Variants in CGREF1 observed in about 807,000 individuals in gnomAD.
The protein encoded by CGREF1 is cell growth regulator with EF-hand domain 1.
In CGREF1, 16 loss-of-function variants were observed where a neutral mutation model predicts 17.4. That is an observed-to-expected ratio of 0.92 (90% CI 0.62 to 1.40). The LOEUF is 1.40. Ranked by LOEUF, CGREF1 falls within the 40% of genes most tolerant of loss-of-function variation. CGREF1 has a pLI of 0.00. For missense variants in CGREF1, 296 were observed against 376.4 expected, an observed-to-expected ratio of 0.79 and a Z score of 1.77; for synonymous variants, 142 against 154.6, an observed-to-expected ratio of 0.92 and a Z score of 0.61.
chr2:27,102,174 G>C lies in CGREF1; in HGVS notation c.265C>G (p.Leu89Val), dbSNP rs1670904225. 1 of 1,612,676 alleles carries C rather than the reference G, an allele frequency of 6.2e-7. No individual in the cohort carries two copies. Among genetic ancestry groups the C allele is most frequent in the African/African-American group, 1.3e-5 (1 of 75,030 alleles). Residue 89 changes from leucine to valine, a missense_variant, in exon 5 of 6, where the codon CTG (leucine) becomes GTG (valine). By Grantham distance (32) the Leu-to-Val change is conservative. Coordinates refer to ENST00000402394, the MANE Select transcript of CGREF1 (RefSeq NM_006569.6). ...ALHDYDQSGQ[L>V]DGLELLSMLT... ...ATGGACAGCAGCTCCAGGCCATCCA[G>C]CTGTCCACTCTGGTCATAGTCATGG...
intron 1 of CGREF1, among the ~76,000 whole-genome samples, chr2:27,118,505 C>A (rs889281725): frequency 2.1e-4 from 32 of 152,214 alleles, no homozygotes; most frequent in African/African-American, 7.5e-4. Flanking sequence ...CGCTCCATTT[C>A]TTCCCCGTCG....
chr2:27,103,653 T>C (rs1050466269), intron 2 of CGREF1, among the ~76,000 whole-genome samples: 1 of 145,130 alleles, frequency 6.9e-6, no homozygotes, highest in Non-Finnish European at 1.5e-5. Flanking sequence ...GGATTACAGG[T>C]GTGAGCCACC....
chr2:27,115,659 G>A (rs534870863), intron 1 of CGREF1, among the ~76,000 whole-genome samples: 14 of 152,036 alleles, frequency 9.2e-5, no homozygotes, highest in Admixed American at 3.9e-4. Context: ...ACCTTCAGTG[G>A]CTCCCTATTT....
downstream of CGREF1, chr2:27,100,308 T>G (rs1042224114): frequency 1.4e-5 from 9 of 632,076 alleles, no homozygotes; most frequent in African/African-American, 3.8e-5. Context: ...GGGGTGCGCC[T>G]CCTCTGCCCT....
At chr2:27,111,181 G>A (rs1210931217) in intron 1 of CGREF1, among the ~76,000 whole-genome samples, 1 of 152,182 alleles carries the variant, frequency 6.6e-6, no homozygotes, top group Non-Finnish European at 1.5e-5. Context: ...ATTTTACAGA[G>A]AGCGGAGTGG....
chr2:27,106,621 G>GT (rs1468474092), intron 1 of CGREF1, among the ~76,000 whole-genome samples: 3 of 152,142 alleles, frequency 2.0e-5, no homozygotes, highest in Non-Finnish European at 2.9e-5. Flanking sequence ...TTTTGTTTTT[G>GT]TTTTTTCTGG....
At chr2:27,099,382 G>A, downstream of CGREF1, 2 of 1,612,222 alleles carry the variant, frequency 1.2e-6, no homozygotes, top group African/African-American at 1.3e-5. Flanking sequence ...GGGGGGACGG[G>A]GTGGGCTAAC....
In CGREF1 at chr2:27,101,279, T is replaced by C; in HGVS notation, c.952A>G (p.Ile318Val). 6.4e-7 allele frequency: 1 copy of C among 1,553,002 alleles called. No homozygotes were observed. The highest frequency in any genetic ancestry group is 1.4e-5 in the African/African-American group (1 of 73,088). Residue 318 changes from isoleucine to valine, a missense_variant, in exon 6 of 6, where the codon ATC becomes GTC. Ile to Val is a conservative substitution (Grantham distance 29). This residue lies in a region of CGREF1 where 40 missense variants were observed against 40.8 expected (regional missense o/e 0.98). Coordinates refer to ENST00000402394, the MANE Select transcript of CGREF1 (RefSeq NM_006569.6). ...VHIVQVENDE[I>V] ...GGTACCTGTATCTTCAAGATCTAGA[T>C]CTCATCATTCTCCACTTGAACAATG...
chr2:27,106,150 C>A (rs1671111621), intron 1 of CGREF1, among the ~76,000 whole-genome samples: 1 of 152,226 alleles, frequency 6.6e-6, no homozygotes. Context: ...CAGACTTCCA[C>A]TTCTGGGAGT....
At chr2:27,117,685 C>A (rs1252911104) in intron 1 of CGREF1, among the ~76,000 whole-genome samples, 1 of 151,294 alleles carries the variant, frequency 6.6e-6, no homozygotes, top group East Asian at 1.9e-4. Context: ...GTCTTAACCT[C>A]TCTGAGCCCT....
At chr2:27,099,590 G>C (rs760617762), downstream of CGREF1, 1 of 1,614,156 alleles carries the variant, frequency 6.2e-7, no homozygotes, top group Non-Finnish European at 8.5e-7. Flanking sequence ...GAGTATGGCA[G>C]CAGGAGGGGA....
chr2:27,105,685 T>G (rs1866560), intron 1 of CGREF1, among the ~76,000 whole-genome samples: 73,948 of 151,954 alleles, frequency 0.49, 19,245 homozygotes, highest in East Asian at 0.76. Context: ...TAGCTGGGAT[T>G]ACAGGCAACT....
chr2:27,106,596 G>A (rs1359265437), intron 1 of CGREF1, among the ~76,000 whole-genome samples: 1 of 152,140 alleles, frequency 6.6e-6, no homozygotes, highest in Non-Finnish European at 1.5e-5. Flanking sequence ...TAACAAGCCT[G>A]ATCTAATGTG....
At chr2:27,104,242 T>C (rs2148384107) in intron 2 of CGREF1, 45 bp downstream of exon 2, 1 of 1,516,590 alleles carries the variant, frequency 6.6e-7, no homozygotes, top group East Asian at 2.3e-5. Flanking sequence ...CTCTAGAGAC[T>C]TTCCCTCCTC....
Position 27,101,788 on chromosome 2 carries a change from C to T in CGREF1, c.443G>A (p.Arg148Lys). ...ELINFPGVAL[R>K]HVEPGEPLAP... ...AAGGGGCTCTCCGGGCTCCACGTGC[C>T]TGAGGGCTACTCCCGGGAAGTTGAT... The change falls in exon 6 of 6, where the codon AGG (arginine) becomes AAG (lysine). Residue 148 changes from arginine (R) to lysine (K), a missense_variant. Arg to Lys is a conservative substitution (Grantham distance 26). Coordinates refer to ENST00000402394, the MANE Select transcript of CGREF1 (RefSeq NM_006569.6). 1 of 1,614,228 alleles carries T rather than the reference C, an allele frequency of 6.2e-7. No homozygotes were observed. Among genetic ancestry groups the T allele is most frequent in the Non-Finnish European group, 8.5e-7 (1 of 1,180,022 alleles).
chr2:27,101,290 T>G lies in CGREF1; in HGVS notation c.941A>C (p.Glu314Ala), dbSNP rs780778707. 1.9e-6 allele frequency: 3 copies of G among 1,561,262 alleles called. No individual in the cohort carries two copies. The highest frequency in any genetic ancestry group is 2.6e-6 in the Non-Finnish European group (3 of 1,153,228). The change falls in exon 6 of 6, where the codon GAG (glutamate) becomes GCG (alanine). Residue 314 changes from glutamate to alanine, a missense_variant. By Grantham distance (107) the Glu-to-Ala change is moderately radical. This residue lies in a region of CGREF1 where 40 missense variants were observed against 40.8 expected (regional missense o/e 0.98). Coordinates refer to ENST00000402394, the MANE Select transcript of CGREF1 (RefSeq NM_006569.6). ...CTTCAAGATCTAGATCTCATCATTC[T>G]CCACTTGAACAATGTGCACCTCAAA... ...NDFEVHIVQV[E>A]NDEI is the part of the protein sequence containing the mutation.
chr2:27,118,148 C>T (rs191029426), intron 1 of CGREF1, among the ~76,000 whole-genome samples: 1 of 152,274 alleles, frequency 6.6e-6, no homozygotes, highest in East Asian at 1.9e-4. Flanking sequence ...AGCCTCTGGG[C>T]TGTGGCAGGG....
intron 1 of CGREF1, among the ~76,000 whole-genome samples, chr2:27,108,659 T>C (rs76106692): frequency 0.038 from 5,730 of 149,862 alleles, 364 homozygotes; most frequent in African/African-American, 0.13. Context: ...AATCATCTCA[T>C]AGGAAAAGTA....
intron 2 of CGREF1, chr2:27,103,086 A>G (rs1007285457): frequency 1.0e-6 from 1 of 985,174 alleles, no homozygotes; most frequent in African/African-American, 1.7e-5. Flanking sequence ...TGGGGTTTCA[A>G]GCTGCTCAGG....
Sources: gnomAD v4.1 joint callset for allele counts (sites outside exome capture counted in the v4.1 genomes callset) on GRCh38, gnomAD v4.1.1 for gene constraint, gnomAD v4.1.1 regional missense constraint, MANE v1.5 for transcripts, NCBI Gene and HGNC (gene_info 2026-07-23, HGNC 2026-07-21) for gene names.